Variants in AGMO observed in about 807,000 individuals in gnomAD.
AGMO encodes the protein alkylglycerol monooxygenase.
In AGMO, 75 loss-of-function variants were observed where a neutral mutation model predicts 60.2. That is an observed-to-expected ratio of 1.25 (90% CI 1.03 to 1.51). AGMO has a LOEUF of 1.51. AGMO is among the 40% of genes most tolerant of loss of function. The pLI, the probability that AGMO is intolerant of heterozygous loss-of-function variation, is 0.00. For synonymous variants in AGMO, 261 were observed against 177.1 expected (o/e 1.47, Z -3.76); for missense variants, 763 against 525.5 (o/e 1.45, Z -4.42).
intron 8 of AGMO, among the ~76,000 whole-genome samples, chr7:15,388,851 T>C (rs372100757): frequency 1.0e-3 from 153 of 152,278 alleles, no homozygotes; most frequent in African/African-American, 3.4e-3. Flanking sequence ...TTTCTGACAA[T>C]GTAAGTAAAC....
the AGMO span, among the ~76,000 whole-genome samples, chr7:15,180,416 C>A: frequency 6.6e-6 from 1 of 152,068 alleles, no homozygotes; most frequent in East Asian, 1.9e-4. Context: ...GAACACAATT[C>A]TGCCAAGGTC....
At chr7:15,320,128 GGA>G (rs1781063810) in intron 12 of AGMO, among the ~76,000 whole-genome samples, 6 of 151,672 alleles carry the variant, frequency 4.0e-5, no homozygotes, top group African/African-American at 7.3e-5. Context: ...TGGGGGAGGG[GGA>G]AGGGATAGCA....
At chr7:15,155,489 C>T in the AGMO span, among the ~76,000 whole-genome samples, 1 of 113,390 alleles carries the variant, frequency 8.8e-6, no homozygotes, top group South Asian at 3.1e-4. Context: ...CACTTCCAGA[C>T]ATTCAGTTTG....
At chr7:15,317,610 G>A (rs1181118094) in intron 12 of AGMO, among the ~76,000 whole-genome samples, 2 of 151,960 alleles carry the variant, frequency 1.3e-5, no homozygotes, top group African/African-American at 4.8e-5. Flanking sequence ...CTTGACTGGA[G>A]TGAACATGAA....
intron 3 of AGMO, among the ~76,000 whole-genome samples, chr7:15,456,715 A>T (rs1181956555): frequency 6.6e-6 from 1 of 152,126 alleles, no homozygotes; most frequent in East Asian, 1.9e-4. Flanking sequence ...TTTCAGATGC[A>T]CATGTGGTTT....
intron 3 of AGMO, among the ~76,000 whole-genome samples, chr7:15,528,197 T>G (rs1784174793): frequency 6.6e-6 from 1 of 152,086 alleles, no homozygotes; most frequent in Admixed American, 6.5e-5. Flanking sequence ...ATTAGCATCT[T>G]TAGCAAAAAA....
chr7:15,387,593 A>C (rs2128483933), intron 8 of AGMO, 53 bp from the exon 9 acceptor site: 1 of 1,480,468 alleles, frequency 6.8e-7, no homozygotes, highest in Non-Finnish European at 9.2e-7. Flanking sequence ...AGGAAAGATT[A>C]AATACCAAAA....
intron 4 of AGMO, among the ~76,000 whole-genome samples, chr7:15,420,320 C>T (rs1780892055): frequency 6.6e-6 from 1 of 152,036 alleles, no homozygotes; most frequent in South Asian, 2.1e-4. Context: ...ACACAGAATA[C>T]TTTCTTGATG....
chr7:15,484,627 G>A (rs1782864477), intron 3 of AGMO, among the ~76,000 whole-genome samples: 4 of 152,058 alleles, frequency 2.6e-5, no homozygotes, highest in Admixed American at 6.5e-5. Flanking sequence ...CTCTTGAAAT[G>A]TTTTGACAAA....
chr7:15,138,180 C>T, the AGMO span, among the ~76,000 whole-genome samples: 1 of 152,168 alleles, frequency 6.6e-6, no homozygotes, highest in African/African-American at 2.4e-5. Context: ...TTATTGGTAC[C>T]TTTAGCTTGC....
At chr7:15,342,469 C>A (rs747318396) in intron 12 of AGMO, among the ~76,000 whole-genome samples, 1 of 151,628 alleles carries the variant, frequency 6.6e-6, no homozygotes, top group Admixed American at 6.6e-5. Flanking sequence ...ACTCCCCACC[C>A]ATCCCAACCA....
chr7:15,212,600 G>A (rs1431043868), intron 12 of AGMO, among the ~76,000 whole-genome samples: 1 of 151,900 alleles, frequency 6.6e-6, no homozygotes, highest in African/African-American at 2.4e-5. Flanking sequence ...ATTTTCTACT[G>A]ACTTAGCTTA....
At chr7:15,288,918 C>T (rs1784179829) in intron 12 of AGMO, among the ~76,000 whole-genome samples, 2 of 151,718 alleles carry the variant, frequency 1.3e-5, no homozygotes, top group South Asian at 4.1e-4. Context: ...GCAAACATCA[C>T]ACCAGTTTCA....
chr7:15,448,177 T>C (rs1437941342), intron 3 of AGMO, among the ~76,000 whole-genome samples: 1 of 152,182 alleles, frequency 6.6e-6, no homozygotes, highest in Non-Finnish European at 1.5e-5. Flanking sequence ...CCAAAACTCA[T>C]ATGTTGAAAT....
chr7:15,458,357 T>C (rs2128507857), intron 3 of AGMO, among the ~76,000 whole-genome samples: 1 of 152,274 alleles, frequency 6.6e-6, no homozygotes, highest in South Asian at 2.1e-4. Flanking sequence ...GAAACATTAA[T>C]TCATAATGTG....
chr7:15,342,196 AGG>A (rs1781877255), intron 12 of AGMO, among the ~76,000 whole-genome samples: 1 of 148,256 alleles, frequency 6.7e-6, no homozygotes, highest in Non-Finnish European at 1.5e-5. Context: ...AAAAAAAAAA[AGG>A]ACTAAGTCCT....
intron 12 of AGMO, among the ~76,000 whole-genome samples, chr7:15,305,498 T>G (rs1234520018): frequency 6.6e-6 from 1 of 152,064 alleles, no homozygotes; most frequent in Non-Finnish European, 1.5e-5. Context: ...TGAGTTTTTG[T>G]GCCAGTTTTT....
At chr7:15,334,660 C>T (rs190649216) in intron 12 of AGMO, among the ~76,000 whole-genome samples, 29 of 152,252 alleles carry the variant, frequency 1.9e-4, no homozygotes, top group African/African-American at 6.0e-4. Context: ...ACTTCACTTG[C>T]GGATATCCCG....
chr7:15,164,653 A>G, the AGMO span, among the ~76,000 whole-genome samples: 1 of 152,080 alleles, frequency 6.6e-6, no homozygotes, highest in Non-Finnish European at 1.5e-5. Context: ...AGAGAAATGC[A>G]AATTTTTTTT....
Sources: allele counts gnomAD v4.1 joint callset (sites outside exome capture counted in the v4.1 genomes callset), GRCh38; gene constraint gnomAD v4.1.1; transcripts MANE v1.5; gene names NCBI Gene and HGNC (gene_info 2026-07-23, HGNC 2026-07-21).